The following ELAVL1 variants were observed in gnomAD, a reference collection of about 807,000 sequenced individuals.
ELAVL1 encodes the protein ELAV-like protein 1.
Under a neutral mutation model 28.4 loss-of-function variants are expected in ELAVL1, and 1 was observed. The ratio of observed to expected loss-of-function variants is 0.04; its 90% CI spans 0.01 to 0.17. ELAVL1 has a LOEUF of 0.17. Among genes scored for constraint, ELAVL1 ranks in the 10% least tolerant of loss-of-function variants. The probability of loss-of-function intolerance (pLI) is 1.00; values close to 1 mark genes in which losing one functional copy is unlikely to be tolerated. For missense variants in ELAVL1, 157 were observed against 447.2 expected (o/e 0.35, Z 5.85); for synonymous variants, 174 against 183.5 (o/e 0.95, Z 0.42).
Position 7,967,611 on chromosome 19 carries a change from C to T in ELAVL1, c.610G>A (p.Ala204Thr), listed in dbSNP as rs756212952. 2 of 1,614,076 alleles carry T rather than the reference C, an allele frequency of 1.2e-6. No homozygotes were observed. The highest frequency in any genetic ancestry group is 1.7e-5 in the Admixed American group (1 of 60,000). ...TGAACGGGGCCTCCGAACCGTCGCGCTGGCGAGTGGTACAGCTGCGAGAGG... is the reference window on the plus strand; with the variant it reads ...TGAACGGGGCCTCCGAACCGTCGCGTTGGCGAGTGGTACAGCTGCGAGAGG... ...ALLSQLYHSPARRFGGPVHHQ... is the reference protein window; with the variant it reads ...ALLSQLYHSPTRRFGGPVHHQ... The change falls in exon 5 of 6, where the codon GCG becomes ACG. Residue 204 changes from alanine to threonine, a missense_variant. Physicochemically the swap from Ala to Thr is moderately conservative, Grantham distance 58. Around this residue, in one of 4 missense-constraint regions of ELAVL1, gnomAD observed 107 missense variants for 310.4 expected, o/e 0.34. Transcript: ENST00000407627.
chr19:7,990,599 CA>C (rs1172451592), intron 2 of ELAVL1, among the ~76,000 whole-genome samples: 2 of 152,138 alleles, frequency 1.3e-5, no homozygotes, highest in East Asian at 3.9e-4. Context: ...AACTTCTGAG[CA>C]AGTGATCCTC....
chr19:7,964,160 G>A (rs111354125), intron 5 of ELAVL1, among the ~76,000 whole-genome samples: 6 of 152,178 alleles, frequency 3.9e-5, no homozygotes, highest in African/African-American at 1.4e-4. Flanking sequence ...TGCTCTGCAG[G>A]CCTCTGACAG....
chr19:7,967,863 C>T, intron 4 of ELAVL1, 73 bp from the exon 5 acceptor site: 3 of 1,533,776 alleles, frequency 2.0e-6, no homozygotes, highest in Non-Finnish European at 8.9e-7. Context: ...AAGCAAAAGT[C>T]AGGTCAGTCT....
intron 3 of ELAVL1, among the ~76,000 whole-genome samples, chr19:7,976,918 G>A (rs941056293): frequency 6.6e-6 from 1 of 151,276 alleles, no homozygotes; most frequent in African/African-American, 2.4e-5. Flanking sequence ...GAACTCCTGG[G>A]CTCAAGTGAT....
chr19:7,965,663 G>A (rs752139319), intron 5 of ELAVL1, among the ~76,000 whole-genome samples: 4 of 151,860 alleles, frequency 2.6e-5, no homozygotes, highest in South Asian at 4.2e-4. Context: ...TTTCCTGCTC[G>A]ACCAGAAATG....
rs996611146 is a variant in ELAVL1, at chr19:8,004,976, AT to A, written c.-17+518del. Among the ~76,000 whole-genome samples, 324 of 150,558 alleles carry A rather than the reference AT, an allele frequency of 2.2e-3. 1 individual carries two copies. The highest frequency in any genetic ancestry group is 8.9e-3 in the South Asian group (42 of 4,744). ...GCGCTCAAAAAAAGATGCAGTTTAGATTTTTTTTTTCCCCCAGGACTCCCGT... is the reference window on the plus strand; with the variant it reads ...GCGCTCAAAAAAAGATGCAGTTTAGATTTTTTTTTCCCCCAGGACTCCCGT... On this transcript the variant is annotated intron_variant, in intron 1 of 5. Transcript: ENST00000407627.
At chr19:7,964,260 A>G (rs1984891236) in intron 5 of ELAVL1, among the ~76,000 whole-genome samples, 1 of 152,154 alleles carries the variant, frequency 6.6e-6, no homozygotes, top group Non-Finnish European at 1.5e-5. Context: ...CCTTCCCCTT[A>G]TCATGACCCG....
chr19:7,991,927 TCTTTC>T (rs1985761922), intron 1 of ELAVL1, 96 bp from the exon 2 acceptor site: 1 of 1,021,280 alleles, frequency 9.8e-7, no homozygotes, highest in East Asian at 3.1e-5. Flanking sequence ...AGATTTTCTT[TCTTTC>T]TTTTTTTTTT....
At chr19:8,003,850 T>A (rs1449794390) in intron 1 of ELAVL1, among the ~76,000 whole-genome samples, 2 of 152,206 alleles carry the variant, frequency 1.3e-5, no homozygotes, top group African/African-American at 4.8e-5. Flanking sequence ...GGCCTCGAAG[T>A]TGCAGAATTT....
At position 7,959,591 on chromosome 19, in the gene ELAVL1, G is replaced by A. The variant is rs182688677; in HGVS notation, c.*3892C>T. ...AAATGGCCAAGAAAGAAACCTGAAC[G>A]ATGTCACTGAAAGGTTGTAGAAAAA... is the stretch of plus-strand genomic sequence containing the variant. On this transcript the variant is annotated 3_prime_UTR_variant, in exon 6 of 6. Transcript: ENST00000407627. 2.8e-4 allele frequency: 43 copies of A among 152,204 alleles called. No homozygotes were observed. Among genetic ancestry groups the A allele is most frequent in the African/African-American group, 9.4e-4 (39 of 41,520 alleles). The allele number at this position is 152,204 out of a possible 1,614,324, so 9.4% of individuals were successfully genotyped here. A position where few individuals can be genotyped will look rare whatever the true frequency, so the allele number is the denominator to read the frequency against.
chr19:7,969,408 C>T (rs925342342), intron 4 of ELAVL1, among the ~76,000 whole-genome samples: 8 of 152,164 alleles, frequency 5.3e-5, no homozygotes, highest in Admixed American at 2.0e-4. Flanking sequence ...CAGAGGGTCC[C>T]GCCAGCTGCC....
At position 7,981,384 on chromosome 19, in the gene ELAVL1, A is replaced by C. The variant is rs1250923280; in HGVS notation, c.173-198T>G. Reference sequence around the variant, plus strand: ...TTTTTTTTTTTTTTAAAGAGATAGGATCTTGCTCTGTCACCCAGGGTGGAG... The same window carrying C: ...TTTTTTTTTTTTTTAAAGAGATAGGCTCTTGCTCTGTCACCCAGGGTGGAG... On this transcript the variant is annotated intron_variant, in intron 2 of 5. Transcript: ENST00000407627. This position sits in a 1 kb window ranked among gnomAD's most constrained non-coding sequence, Gnocchi z 4.2. 6.8e-6 allele frequency among the ~76,000 whole-genome samples: 1 copy of C among 146,076 alleles called. No homozygotes were observed. Among genetic ancestry groups the C allele is most frequent in the Non-Finnish European group, 1.5e-5 (1 of 66,876 alleles).
chr19:7,966,238 C>T (rs950634777), intron 5 of ELAVL1, among the ~76,000 whole-genome samples: 6 of 152,110 alleles, frequency 3.9e-5, no homozygotes, highest in Non-Finnish European at 5.9e-5. Context: ...GATAAGCCCT[C>T]GATGCCACTC....
chr19:7,994,055 T>C (rs1177415094), intron 1 of ELAVL1, among the ~76,000 whole-genome samples: 2 of 152,120 alleles, frequency 1.3e-5, no homozygotes, highest in African/African-American at 4.8e-5. Flanking sequence ...CTTTAAAAAG[T>C]AGGTTAGCAT....
intron 5 of ELAVL1, among the ~76,000 whole-genome samples, chr19:7,965,396 T>C (rs1984931473): frequency 1.3e-5 from 2 of 152,270 alleles, no homozygotes; most frequent in South Asian, 4.1e-4. Flanking sequence ...TTACTCTTGT[T>C]GGTAGTTTTT....
chr19:7,978,182 T>A (rs147185786), intron 3 of ELAVL1, among the ~76,000 whole-genome samples: 215 of 152,372 alleles, frequency 1.4e-3, no homozygotes, highest in Non-Finnish European at 2.4e-3. Flanking sequence ...AAAGGATTTG[T>A]CTGGTCTCTG....
At chr19:7,999,577 A>C (rs947527115) in intron 1 of ELAVL1, among the ~76,000 whole-genome samples, 1 of 152,274 alleles carries the variant, frequency 6.6e-6, no homozygotes, top group East Asian at 1.9e-4. Context: ...CCCCAGGCAA[A>C]GCCAGGGTGT....
chr19:7,968,826 C>T (rs1298235694), intron 4 of ELAVL1, among the ~76,000 whole-genome samples: 1 of 152,178 alleles, frequency 6.6e-6, no homozygotes, highest in African/African-American at 2.4e-5. Context: ...ATGAGTAGCC[C>T]GTCCCTTGAG....
intron 3 of ELAVL1, among the ~76,000 whole-genome samples, chr19:7,977,061 A>G (rs865861496): frequency 3.4e-4 from 51 of 152,238 alleles, no homozygotes; most frequent in African/African-American, 1.2e-3. Context: ...CTCCTGCCAT[A>G]TCCAAAGCAC....
Sources: gnomAD v4.1 joint callset for allele counts (sites outside exome capture counted in the v4.1 genomes callset) on GRCh38, gnomAD v4.1.1 for gene constraint, gnomAD v4.1.1 regional missense constraint, Gnocchi (gnomAD v3.1) non-coding constraint, MANE v1.5 for transcripts, NCBI Gene and HGNC (gene_info 2026-07-23, HGNC 2026-07-21) for gene names.